Variants in PRELID2 observed in about 807,000 individuals in gnomAD.
PRELID2 encodes the protein PRELI domain-containing protein 2.
A neutral mutation model predicts 28.4 loss-of-function variants in PRELID2; 25 were observed. The ratio of observed to expected loss-of-function variants is 0.88; its 90% CI spans 0.64 to 1.23. PRELID2 has a LOEUF of 1.23. Ranked by LOEUF, PRELID2 falls within the 50% of genes most tolerant of loss-of-function variation. The probability of loss-of-function intolerance (pLI) is 0.00; values close to 1 mark genes in which losing one functional copy is unlikely to be tolerated. For missense variants in PRELID2, 201 were observed against 214.4 expected (o/e 0.94, Z 0.39); for synonymous variants, 76 against 71.6 (o/e 1.06, Z -0.31).
At chr5:145,778,720 G>A (rs990186207) in intron 5 of PRELID2, among the ~76,000 whole-genome samples, 7 of 152,058 alleles carry the variant, frequency 4.6e-5, no homozygotes, top group African/African-American at 1.4e-4. Context: ...CACACCCCTC[G>A]CTGCTCCACG....
the PRELID2 span, among the ~76,000 whole-genome samples, chr5:145,366,515 T>C: frequency 6.6e-6 from 1 of 151,892 alleles, no homozygotes; most frequent in Non-Finnish European, 1.5e-5. Flanking sequence ...CGCCAAGCAT[T>C]GTTTAGAGGA....
intron 1 of PRELID2, among the ~76,000 whole-genome samples, chr5:145,697,035 A>T (rs10063991): frequency 0.073 from 510 of 7,018 alleles, 5 homozygotes; most frequent in African/African-American, 0.24. Context: ...GAGGAAAATT[A>T]TATATATATA....
chr5:145,442,343 G>A, the PRELID2 span, among the ~76,000 whole-genome samples: 3 of 152,142 alleles, frequency 2.0e-5, no homozygotes, highest in Admixed American at 2.0e-4. Flanking sequence ...GTACAGATCA[G>A]GAATTCAATA....
At chr5:145,801,076 T>A (rs941302910) in intron 4 of PRELID2, among the ~76,000 whole-genome samples, 1 of 152,244 alleles carries the variant, frequency 6.6e-6, no homozygotes, top group Admixed American at 6.5e-5. Context: ...GAATTATATA[T>A]GTTATTTACT....
At chr5:145,707,808 A>G (rs913513154) in intron 1 of PRELID2, among the ~76,000 whole-genome samples, 1 of 152,112 alleles carries the variant, frequency 6.6e-6, no homozygotes, top group Non-Finnish European at 1.5e-5. Context: ...CCCTATTCAA[A>G]TTATGAAGTA....
chr5:145,271,612 A>G, the PRELID2 span, among the ~76,000 whole-genome samples: 1 of 152,150 alleles, frequency 6.6e-6, no homozygotes, highest in South Asian at 2.1e-4. Context: ...CTAAATGAAG[A>G]GGTGTGTATT....
intron 1 of PRELID2, among the ~76,000 whole-genome samples, chr5:145,554,016 G>T (rs1199149585): frequency 6.6e-6 from 1 of 152,070 alleles, no homozygotes; most frequent in Non-Finnish European, 1.5e-5. Flanking sequence ...GAAGGAAGAG[G>T]GCTGGAGGAG....
At chr5:145,608,777 T>A (rs1158996642) in intron 1 of PRELID2, among the ~76,000 whole-genome samples, 2 of 152,188 alleles carry the variant, frequency 1.3e-5, no homozygotes, top group African/African-American at 4.8e-5. Flanking sequence ...TGAATTTGAA[T>A]GTTGGCCTCT....
intron 3 of PRELID2, 34 bp downstream of exon 3, chr5:145,819,911 T>C: frequency 7.7e-7 from 1 of 1,306,606 alleles, no homozygotes; most frequent in South Asian, 1.2e-5. Flanking sequence ...TTACTCAATG[T>C]TACAACTGTG....
chr5:145,662,070 C>A (rs970134829), intron 1 of PRELID2, among the ~76,000 whole-genome samples: 1 of 152,014 alleles, frequency 6.6e-6, no homozygotes, highest in African/African-American at 2.4e-5. Flanking sequence ...AATTTAATAT[C>A]TCGGGGTCCA....
the PRELID2 span, among the ~76,000 whole-genome samples, chr5:145,329,535 T>C: frequency 6.6e-6 from 1 of 152,216 alleles, no homozygotes; most frequent in Non-Finnish European, 1.5e-5. Flanking sequence ...TTATTCTCTT[T>C]ACAGCAATTG....
the PRELID2 span, among the ~76,000 whole-genome samples, chr5:145,371,370 A>C: frequency 2.5e-4 from 38 of 152,248 alleles, no homozygotes; most frequent in East Asian, 7.1e-3. Context: ...TATTGAGATA[A>C]TCATGTGATT....
intron 1 of PRELID2, among the ~76,000 whole-genome samples, chr5:145,664,807 C>G (rs1021500828): frequency 6.6e-6 from 1 of 152,056 alleles, no homozygotes; most frequent in Non-Finnish European, 1.5e-5. Flanking sequence ...AACTCCAGCA[C>G]GGCTTTGCTG....
chr5:145,765,458 C>G (rs1299637852), intron 5 of PRELID2, among the ~76,000 whole-genome samples: 1 of 152,182 alleles, frequency 6.6e-6, no homozygotes, highest in Non-Finnish European at 1.5e-5. Context: ...TCCCTTTCCA[C>G]CAAGACTGTA....
At chr5:145,254,093 C>A in the PRELID2 span, among the ~76,000 whole-genome samples, 2 of 152,054 alleles carry the variant, frequency 1.3e-5, no homozygotes, top group South Asian at 2.1e-4. Flanking sequence ...TGAATTAAAT[C>A]TTTTGCTGTT....
chr5:145,297,979 C>A, the PRELID2 span, among the ~76,000 whole-genome samples: 2 of 152,160 alleles, frequency 1.3e-5, no homozygotes, highest in African/African-American at 4.8e-5. Flanking sequence ...AGGATACAAA[C>A]AAATGGAAGA....
intron 1 of PRELID2, among the ~76,000 whole-genome samples, chr5:145,610,818 C>A (rs1192501323): frequency 6.6e-6 from 1 of 151,786 alleles, no homozygotes; most frequent in East Asian, 1.9e-4. Context: ...GGGTTAACTA[C>A]AAAAATACAG....
chr5:145,601,104 T>G (rs1398105324), intron 1 of PRELID2, among the ~76,000 whole-genome samples: 1 of 152,136 alleles, frequency 6.6e-6, no homozygotes, highest in Non-Finnish European at 1.5e-5. Context: ...TACAGTGAAC[T>G]ATGATTGTGT....
chr5:145,230,082 T>G, the PRELID2 span: 28 of 647,124 alleles, frequency 4.3e-5, no homozygotes, highest in African/African-American at 3.9e-4. Context: ...AGCTGGGGCC[T>G]CCTCAATTTG....
Sources: allele counts gnomAD v4.1 joint callset (sites outside exome capture counted in the v4.1 genomes callset), GRCh38; gene constraint gnomAD v4.1.1; transcripts MANE v1.5; gene names NCBI Gene and HGNC (gene_info 2026-07-23, HGNC 2026-07-21).